WDFY2: variants seen among roughly 807,000 people sequenced by gnomAD.
WDFY2 encodes WD repeat and FYVE domain-containing protein 2.
Under a neutral mutation model 56.4 loss-of-function variants are expected in WDFY2, and 36 were observed. The ratio of observed to expected loss-of-function variants is 0.64; its 90% CI spans 0.49 to 0.84. WDFY2 has a LOEUF of 0.84. WDFY2 is among the 40% of genes least tolerant of loss of function. The pLI, the probability that WDFY2 is intolerant of heterozygous loss-of-function variation, is 0.00. For missense variants in WDFY2, 444 were observed against 512.2 expected (o/e 0.87, Z 1.29); for synonymous variants, 176 against 183.7 (o/e 0.96, Z 0.34).
rs796817190 is a variant in WDFY2, at chr13:51,588,599, G to C, written c.137+3775G>C. 14 of 152,236 alleles carry C rather than the reference G, an allele frequency of 9.2e-5. 1 individual carries two copies. The highest frequency in any genetic ancestry group is 3.4e-4 in the African/African-American group (14 of 41,534). 9.4% of individuals were successfully genotyped at this position (152,236 alleles called of 1,614,324 possible). A position where few individuals can be genotyped will look rare whatever the true frequency, so the allele number is the denominator to read the frequency against. ...AGACCAACAATCTCTTCTACAGATG[G>C]GTCTTGCAGGGTGAGTAGGAGTTCT... On this transcript the variant is annotated intron_variant, in intron 1 of 11. Coordinates refer to ENST00000298125, the MANE Select transcript of WDFY2 (RefSeq NM_052950.4).
intron 3 of WDFY2, among the ~76,000 whole-genome samples, chr13:51,679,053 A>G (rs1371375409): frequency 1.3e-5 from 2 of 152,228 alleles, no homozygotes; most frequent in African/African-American, 4.8e-5. Context: ...GGAGAGATAT[A>G]AACTAATTTG....
At chr13:51,662,700 C>A (rs1244402611) in intron 2 of WDFY2, among the ~76,000 whole-genome samples, 1 of 152,166 alleles carries the variant, frequency 6.6e-6, no homozygotes, top group East Asian at 1.9e-4. Context: ...ATAGCTCTTA[C>A]ACCTGGCATA....
intron 3 of WDFY2, among the ~76,000 whole-genome samples, chr13:51,681,565 T>C (rs1741195232): frequency 6.6e-6 from 1 of 152,202 alleles, no homozygotes; most frequent in African/African-American, 2.4e-5. Context: ...TGAGTCATTT[T>C]ATCATTCTGA....
chr13:51,708,623 C>T (rs969398672), intron 4 of WDFY2, among the ~76,000 whole-genome samples: 21 of 147,918 alleles, frequency 1.4e-4, no homozygotes, highest in African/African-American at 3.5e-4. Flanking sequence ...GGGTAAAGAA[C>T]GGGTGGAAAA....
chr13:51,587,507 T>A (rs1953966825), intron 1 of WDFY2: 1 of 152,236 alleles, frequency 6.6e-6, no homozygotes, highest in Non-Finnish European at 1.5e-5. Flanking sequence ...TATGAAAGGC[T>A]TATGTGGACA....
At chr13:51,658,774 A>G (rs568945249) in intron 1 of WDFY2, among the ~76,000 whole-genome samples, 47 of 152,320 alleles carry the variant, frequency 3.1e-4, no homozygotes, top group African/African-American at 1.1e-3. Context: ...TTACCATTGT[A>G]TCTGTTCACC....
intron 8 of WDFY2, 165 bp downstream of exon 8, chr13:51,751,580 GT>G: frequency 1.5e-6 from 1 of 661,706 alleles, no homozygotes; most frequent in Non-Finnish European, 2.6e-6. Context: ...TCCCTCACAA[GT>G]TGGCATGTAA....
intron 1 of WDFY2, among the ~76,000 whole-genome samples, chr13:51,619,439 AAAAAAAAC>A (rs1566317465): frequency 1.3e-5 from 2 of 152,134 alleles, no homozygotes; most frequent in African/African-American, 4.8e-5. Context: ...TCTCCAAAAA[AAAAAAAAC>A]AAAAAACAAA....
intron 5 of WDFY2, among the ~76,000 whole-genome samples, chr13:51,726,999 C>A (rs1485018937): frequency 6.6e-6 from 1 of 152,194 alleles, no homozygotes; most frequent in Non-Finnish European, 1.5e-5. Context: ...AGAAACTTTC[C>A]TATCTAAAGC....
chr13:51,679,696 A>G (rs1955946346), intron 3 of WDFY2, among the ~76,000 whole-genome samples: 1 of 152,186 alleles, frequency 6.6e-6, no homozygotes, highest in South Asian at 2.1e-4. Context: ...AGTACCAAAC[A>G]GCAGTTTTTC....
chr13:51,630,127 A>G (rs144687788), intron 1 of WDFY2, among the ~76,000 whole-genome samples: 2 of 152,182 alleles, frequency 1.3e-5, no homozygotes, highest in East Asian at 3.9e-4. Flanking sequence ...GAGTTACTGA[A>G]TCAACCTGGA....
chr13:51,700,089 T>G (rs959589145), intron 3 of WDFY2, among the ~76,000 whole-genome samples: 1 of 152,224 alleles, frequency 6.6e-6, no homozygotes, highest in African/African-American at 2.4e-5. Context: ...TGATCCTGTT[T>G]TTATACAACA....
At chr13:51,622,690 A>G (rs766884866) in intron 1 of WDFY2, among the ~76,000 whole-genome samples, 1 of 152,224 alleles carries the variant, frequency 6.6e-6, no homozygotes, top group Non-Finnish European at 1.5e-5. Flanking sequence ...GGTTGAAAGC[A>G]TAAAAACACA....
At chr13:51,647,065 G>A (rs974421209) in intron 1 of WDFY2, among the ~76,000 whole-genome samples, 1 of 152,138 alleles carries the variant, frequency 6.6e-6, no homozygotes, top group African/African-American at 2.4e-5. Flanking sequence ...GGTATTATAA[G>A]TAATTTAGAG....
chr13:51,745,647 T>C (rs979335313), intron 7 of WDFY2, among the ~76,000 whole-genome samples: 7 of 151,798 alleles, frequency 4.6e-5, no homozygotes, highest in African/African-American at 1.7e-4. Context: ...GTGATCACTT[T>C]TTGCCCATTT....
intron 1 of WDFY2, among the ~76,000 whole-genome samples, chr13:51,655,709 T>G (rs553356845): frequency 6.6e-6 from 1 of 152,290 alleles, no homozygotes; most frequent in Admixed American, 6.5e-5. Context: ...CCTCTTCCAT[T>G]TTTCTGAAGT....
rs184845032 is a variant in WDFY2 at position 51,632,514 on chromosome 13, G to A, written c.138-28082G>A. 3.9e-5 allele frequency among the ~76,000 whole-genome samples: 6 copies of A among 152,006 alleles called. No individual in the cohort carries two copies. The East Asian group carries it at 7.7e-4, about 20-fold the overall frequency. On this transcript the variant is annotated intron_variant, in intron 1 of 11. Coordinates refer to ENST00000298125, the MANE Select transcript of WDFY2 (RefSeq NM_052950.4). Reference sequence around the variant, plus strand: ...TTTCTTGTGCTTTCTGGGAGATTTCGTGGAGCAGGTCTTTCAGGTTCCCGT... The same window carrying A: ...TTTCTTGTGCTTTCTGGGAGATTTCATGGAGCAGGTCTTTCAGGTTCCCGT...
chr13:51,744,144 C>A (rs1385873437), intron 7 of WDFY2, among the ~76,000 whole-genome samples: 4 of 152,206 alleles, frequency 2.6e-5, no homozygotes, highest in Non-Finnish European at 5.9e-5. Context: ...TTGCTCACAG[C>A]CTTCTCTGGT....
rs1402988759 is a variant in WDFY2, at chr13:51,749,758, TA to T, written c.726-1551del. Among the ~76,000 whole-genome samples, 221 of 152,290 alleles carry T rather than the reference TA, an allele frequency of 1.5e-3. 2 individuals are homozygous for T. The highest frequency in any genetic ancestry group is 5.2e-3 in the African/African-American group (215 of 41,572). ...ACAGTATTCTAACTTACTTAGAAAT[TA>T]TCTAGGTATCCAATGATTATTGATT... On this transcript the variant is annotated intron_variant, in intron 7 of 11. Coordinates refer to ENST00000298125, the MANE Select transcript of WDFY2 (RefSeq NM_052950.4).
Sources: gnomAD v4.1 joint callset for allele counts (sites outside exome capture counted in the v4.1 genomes callset) on GRCh38, gnomAD v4.1.1 for gene constraint, MANE v1.5 for transcripts, NCBI Gene and HGNC (gene_info 2026-07-23, HGNC 2026-07-21) for gene names.